Variants in KIF4A observed in about 807,000 individuals in gnomAD.
The protein encoded by KIF4A is chromosome-associated kinesin KIF4A.
A neutral mutation model predicts 105.9 loss-of-function variants in KIF4A; 7 were observed. The observed-to-expected ratio is 0.07, with a 90% CI of 0.04 to 0.12. The LOEUF is 0.12. KIF4A is among the 10% of genes least tolerant of loss of function. The pLI, the probability that KIF4A is intolerant of heterozygous loss-of-function variation, is 1.00. For missense variants in KIF4A, 558 were observed against 929.2 expected (o/e 0.60, Z 5.19); for synonymous variants, 281 against 331.3 (o/e 0.85, Z 1.65).
intron 18 of KIF4A, among the ~76,000 whole-genome samples, chrX:70,381,158 C>T (rs1160513098): frequency 9.1e-6 from 1 of 110,006 alleles, no homozygotes; most frequent in Non-Finnish European, 1.9e-5. Flanking sequence ...CAAAAACAAA[C>T]AAACAAAAAA....
intron 28 of KIF4A, among the ~76,000 whole-genome samples, chrX:70,407,644 A>T (rs1269568757): frequency 1.8e-5 from 2 of 112,225 alleles, no homozygotes; most frequent in African/African-American, 6.5e-5. Flanking sequence ...ATCAATTTGA[A>T]TAGGTAATGT....
intron 18 of KIF4A, among the ~76,000 whole-genome samples, chrX:70,381,641 T>G (rs764376823): frequency 1.8e-5 from 2 of 112,306 alleles, no homozygotes; most frequent in African/African-American, 6.4e-5. Flanking sequence ...CTTGTATACT[T>G]GAAAACTACT....
At chrX:70,356,743 A>G (rs968457452) in intron 15 of KIF4A, among the ~76,000 whole-genome samples, 1 of 112,039 alleles carries the variant, frequency 8.9e-6, no homozygotes, top group Non-Finnish European at 1.9e-5. Context: ...TACATTTTTT[A>G]GATAAATATC....
At chrX:70,387,401 A>T in intron 20 of KIF4A, 104 bp downstream of exon 20, 1 of 552,049 alleles carries the variant, frequency 1.8e-6, no homozygotes. Flanking sequence ...ACACTGCAAA[A>T]TCTAAAGTTC....
At chrX:70,318,185 G>A (rs2085877452) in intron 7 of KIF4A, among the ~76,000 whole-genome samples, 1 of 111,785 alleles carries the variant, frequency 8.9e-6, no homozygotes, top group Non-Finnish European at 1.9e-5. Context: ...GCCTCCCCTT[G>A]CTTTCTTGAT....
intron 13 of KIF4A, among the ~76,000 whole-genome samples, chrX:70,346,852 C>T (rs936417023): frequency 1.1e-4 from 12 of 112,090 alleles, no homozygotes; most frequent in Non-Finnish European, 2.3e-4. Context: ...TTAAGACTCA[C>T]TACAGTGAAA....
rs181167023 is a variant in KIF4A at position 70,350,362 on chromosome X, G to A, written c.1432-2238G>A. The stretch of plus-strand genomic sequence containing the variant: ...CAGTCAGGCTTGGCGGCGGGTGCCT[G>A]CATTCCCAGGCACTCGGCAGGCCGA... On this transcript the variant is annotated intron_variant, in intron 13 of 30. Transcript: ENST00000374403. 9.4e-3 allele frequency among the ~76,000 whole-genome samples: 1,052 copies of A among 112,062 alleles called. 8 individuals carry two copies. Among genetic ancestry groups the A allele is most frequent in the Middle Eastern group, 0.019 (4 of 215 alleles).
chrX:70,326,245 A>G (rs775901174), intron 7 of KIF4A, among the ~76,000 whole-genome samples: 165 of 112,078 alleles, frequency 1.5e-3, no homozygotes, highest in Non-Finnish European at 2.7e-3. Context: ...TTTGGATCAA[A>G]TAATTGTTTA....
intron 7 of KIF4A, among the ~76,000 whole-genome samples, chrX:70,309,756 A>C (rs1470727674): frequency 1.8e-5 from 2 of 112,782 alleles, no homozygotes; most frequent in Admixed American, 9.4e-5. Flanking sequence ...AAATTTATAT[A>C]CAATTGGCCT....
At chrX:70,345,439 G>A (rs2085988546) in intron 13 of KIF4A, among the ~76,000 whole-genome samples, 1 of 106,676 alleles carries the variant, frequency 9.4e-6, no homozygotes, top group African/African-American at 3.4e-5. Flanking sequence ...ACTCCAGCCT[G>A]GATGACAGAG....
At chrX:70,314,537 G>C (rs1280541697) in intron 7 of KIF4A, among the ~76,000 whole-genome samples, 1 of 111,747 alleles carries the variant, frequency 8.9e-6, no homozygotes, top group Non-Finnish European at 1.9e-5. Context: ...GGACATGTCA[G>C]ATTTGGAGTA....
intron 7 of KIF4A, among the ~76,000 whole-genome samples, chrX:70,324,146 G>T (rs2085902040): frequency 1.8e-5 from 2 of 111,936 alleles, no homozygotes; most frequent in Non-Finnish European, 3.8e-5. Context: ...CTTAATATAA[G>T]ATGTACAATG....
rs549180156 is a variant in KIF4A, at chrX:70,369,102, G to A, written c.1675-5049G>A. On this transcript the variant is annotated intron_variant, in intron 15 of 30. Coordinates refer to ENST00000374403, the MANE Select transcript of KIF4A (RefSeq NM_012310.5). ...CATTTGCTAAGACCTTTGGAAAAGC[G>A]CAGTATTAGGGTCGGAGTGACCCGA... 1.1e-3 allele frequency among the ~76,000 whole-genome samples: 121 copies of A among 112,252 alleles called. 1 individual carries two copies. The South Asian group carries it at 0.041, about 38-fold the overall frequency.
At chrX:70,374,406 T>C in intron 16 of KIF4A, 152 bp downstream of exon 16, 1 of 400,569 alleles carries the variant, frequency 2.5e-6, no homozygotes, top group Non-Finnish European at 4.4e-6. Flanking sequence ...GGTTAAATAA[T>C]TGCAATTTTA....
chrX:70,386,010 C>A (rs981384278), intron 18 of KIF4A, among the ~76,000 whole-genome samples: 1 of 111,060 alleles, frequency 9.0e-6, no homozygotes, highest in African/African-American at 3.3e-5. Flanking sequence ...GCTCTTGCCC[C>A]CCTTTCTCCA....
rs72628868 is a variant in KIF4A at position 70,343,560 on chromosome X, G to A, written c.1267-143G>A. ...TCTTTTAAAAAACACATTTTTCACT[G>A]AATAACCAAAGCCCACTAAATCCTC... On this transcript the variant is annotated intron_variant, in intron 11 of 30. Coordinates refer to ENST00000374403, the MANE Select transcript of KIF4A (RefSeq NM_012310.5). 693 of 492,049 alleles carry A rather than the reference G, an allele frequency of 1.4e-3. 9 individuals carry two copies. In the East Asian group the frequency reaches 0.022, roughly 15 times the overall value. 40.6% of individuals were successfully genotyped at this position (492,049 alleles called of 1,213,427 possible).
chrX:70,352,741 G>T, intron 14 of KIF4A, 85 bp downstream of exon 14: 2 of 626,814 alleles, frequency 3.2e-6, no homozygotes, highest in Non-Finnish European at 5.1e-6. Flanking sequence ...AAGAGAACCT[G>T]TGATTGTTAC....
At position 70,295,451 on chromosome X, in the gene KIF4A, G is replaced by T. The variant is rs772251600; in HGVS notation, c.236-1547G>T. 3.1e-3 allele frequency among the ~76,000 whole-genome samples: 339 copies of T among 109,713 alleles called. 2 individuals are homozygous for T. Among genetic ancestry groups the T allele is most frequent in the African/African-American group, 0.011 (332 of 30,187 alleles). ...CGGCCTCCCAAAGTGCTCGATTGCA[G>T]GCGTGAGCCACCACGCCTGGCCAAT... On this transcript the variant is annotated intron_variant, in intron 3 of 30. Coordinates refer to ENST00000374403, the MANE Select transcript of KIF4A (RefSeq NM_012310.5).
intron 7 of KIF4A, among the ~76,000 whole-genome samples, chrX:70,324,936 T>C (rs1311950800): frequency 9.0e-6 from 1 of 111,522 alleles, no homozygotes; most frequent in Non-Finnish European, 1.9e-5. Context: ...TGTATGCCAC[T>C]GTCCCCAGCA....
Sources: gnomAD v4.1 joint callset for allele counts (sites outside exome capture counted in the v4.1 genomes callset) on GRCh38, gnomAD v4.1.1 for gene constraint, MANE v1.5 for transcripts, NCBI Gene and HGNC (gene_info 2026-07-23, HGNC 2026-07-21) for gene names.